GSTCD: variants seen among roughly 807,000 people sequenced by gnomAD.
The protein encoded by GSTCD is glutathione S-transferase C-terminal domain-containing protein.
In GSTCD, 44 loss-of-function variants were observed where a neutral mutation model predicts 68.3. The ratio of observed to expected loss-of-function variants is 0.64; its 90% confidence interval spans 0.51 to 0.83. The LOEUF (loss-of-function observed/expected upper bound fraction) is 0.83, where lower values mean the gene tolerates loss of function less well. Among genes scored for constraint, GSTCD ranks in the 40% least tolerant of loss-of-function variants. The pLI is 0.00. For missense variants in GSTCD, 739 were observed against 735.9 expected (o/e 1.00, Z -0.05); for synonymous variants, 273 against 255.2 (o/e 1.07, Z -0.67).
intron 3 of GSTCD, among the ~76,000 whole-genome samples, chr4:105,720,516 T>C (rs969084747): frequency 1.3e-4 from 20 of 152,218 alleles, no homozygotes; most frequent in African/African-American, 4.8e-4. Flanking sequence ...TATTCATCAA[T>C]TGTCATTTTC....
intron 5 of GSTCD, among the ~76,000 whole-genome samples, chr4:105,733,221 G>C (rs574473679): frequency 1.3e-5 from 2 of 152,278 alleles, no homozygotes; most frequent in South Asian, 4.1e-4. Flanking sequence ...GTGTGGAGCT[G>C]AGTTCAATTC....
At chr4:105,804,147 A>C (rs1017255468) in intron 5 of GSTCD, among the ~76,000 whole-genome samples, 4 of 152,020 alleles carry the variant, frequency 2.6e-5, no homozygotes, top group Admixed American at 2.0e-4. Flanking sequence ...TAGTTATCAG[A>C]AATTTTCCAA....
At chr4:105,828,005 A>G (rs1005408956) in intron 8 of GSTCD, among the ~76,000 whole-genome samples, 1 of 152,086 alleles carries the variant, frequency 6.6e-6, no homozygotes, top group Non-Finnish European at 1.5e-5. Context: ...AAAAATGCTC[A>G]TTTTGCATTA....
At chr4:105,809,716 C>A (rs1481364775) in intron 5 of GSTCD, among the ~76,000 whole-genome samples, 1 of 151,386 alleles carries the variant, frequency 6.6e-6, no homozygotes, top group Admixed American at 6.6e-5. Flanking sequence ...TGTTGAAATT[C>A]TTAGTATTCT....
At chr4:105,822,337 A>C (rs1202183703) in intron 5 of GSTCD, among the ~76,000 whole-genome samples, 2 of 152,138 alleles carry the variant, frequency 1.3e-5, no homozygotes, top group Non-Finnish European at 2.9e-5. Flanking sequence ...AGCAGAAAAC[A>C]GAAAATCCAA....
intron 5 of GSTCD, among the ~76,000 whole-genome samples, chr4:105,792,344 A>G (rs1326141765): frequency 2.6e-5 from 4 of 152,070 alleles, no homozygotes; most frequent in African/African-American, 9.7e-5. Flanking sequence ...GGTTAAGTTT[A>G]CTTCATTTTT....
At chr4:105,714,463 A>AT (rs200198978) in intron 1 of GSTCD, among the ~76,000 whole-genome samples, 13,022 of 144,316 alleles carry the variant, frequency 0.09, 1,102 homozygotes, top group East Asian at 0.32. Context: ...AAGAGGAAGG[A>AT]TTTTTTTTTT....
intron 1 of GSTCD, among the ~76,000 whole-genome samples, chr4:105,710,412 C>G (rs1413713342): frequency 4.9e-5 from 6 of 122,392 alleles, no homozygotes; most frequent in Non-Finnish European, 8.3e-5. Context: ...TTTTTTCAGT[C>G]GAGGAGGGGT....
chr4:105,834,179 G>T (rs1049646833), intron 8 of GSTCD, among the ~76,000 whole-genome samples: 2 of 152,142 alleles, frequency 1.3e-5, no homozygotes, highest in Non-Finnish European at 2.9e-5. Flanking sequence ...CGAAATTCTT[G>T]TTTCGAATCT....
chr4:105,823,621 C>A, intron 7 of GSTCD: 1 of 159,746 alleles, frequency 6.3e-6, no homozygotes, highest in Non-Finnish European at 1.4e-5. Flanking sequence ...ACTTGCTGAG[C>A]ATATTCTTTT....
At chr4:105,723,225 A>G (rs1578410125) in intron 3 of GSTCD, among the ~76,000 whole-genome samples, 1 of 151,960 alleles carries the variant, frequency 6.6e-6, no homozygotes, top group African/African-American at 2.4e-5. Flanking sequence ...TTTCCAAGCA[A>G]TTCACAATTC....
chr4:105,760,039 A>C (rs1268912733), intron 5 of GSTCD, among the ~76,000 whole-genome samples: 1 of 152,120 alleles, frequency 6.6e-6, no homozygotes, highest in Non-Finnish European at 1.5e-5. Context: ...AAAGACAGGA[A>C]ACCTATGTGT....
rs372510155 is a variant in GSTCD at position 105,834,511 on chromosome 4, T to G, written c.1581T>G (p.Cys527Trp). ...CAACAGACATGGTGATTGAGCACTGTATCAAAACACGGGCTTCCTTCGTCA... is the reference window on the plus strand; with the variant it reads ...CAACAGACATGGTGATTGAGCACTGGATCAAAACACGGGCTTCCTTCGTCA... Reference protein sequence around the residue: ...GVATDMVIEHCIKTRASFVTC... With the variant: ...GVATDMVIEHWIKTRASFVTC... The change falls in exon 9 of 12, where the codon TGT (cysteine) becomes TGG (tryptophan). Residue 527 changes from cysteine (C) to tryptophan (W), a missense_variant. Physicochemically the swap from Cys to Trp is radical, Grantham distance 215. Transcript: ENST00000515279. 1.2e-6 allele frequency: 2 copies of G among 1,614,140 alleles called. No homozygotes were observed. Among genetic ancestry groups the G allele is most frequent in the Non-Finnish European group, 1.7e-6 (2 of 1,179,984 alleles).
chr4:105,834,432 T>C, intron 8 of GSTCD, 29 bp from the exon 9 acceptor site: 2 of 1,606,626 alleles, frequency 1.2e-6, no homozygotes, highest in South Asian at 1.1e-5. Context: ...AGAGGGAACT[T>C]AGTGCTAAGG....
At chr4:105,777,659 A>G (rs1735121954) in intron 5 of GSTCD, among the ~76,000 whole-genome samples, 1 of 151,980 alleles carries the variant, frequency 6.6e-6, no homozygotes, top group African/African-American at 2.4e-5. Flanking sequence ...GATAGACCAG[A>G]CTCTGTCTTT....
intron 5 of GSTCD, among the ~76,000 whole-genome samples, chr4:105,812,444 T>C (rs1722794764): frequency 6.6e-6 from 1 of 152,072 alleles, no homozygotes; most frequent in Admixed American, 6.6e-5. Context: ...CAAGCAGTCT[T>C]TCCGCCTCTG....
chr4:105,786,881 A>G (rs907541618), intron 5 of GSTCD, among the ~76,000 whole-genome samples: 3 of 152,114 alleles, frequency 2.0e-5, no homozygotes, highest in Admixed American at 2.0e-4. Flanking sequence ...GCATCCTCAT[A>G]TACTGCCGTT....
chr4:105,829,188 A>T (rs1040398402), intron 8 of GSTCD, among the ~76,000 whole-genome samples: 5 of 133,020 alleles, frequency 3.8e-5, no homozygotes, highest in Non-Finnish European at 6.5e-5. Context: ...AGCTATAATT[A>T]AAAAAAAAAA....
At position 105,717,679 on chromosome 4, in the gene GSTCD, A is replaced by C; in HGVS notation, c.66A>C (p.Thr22=). The C allele has an allele frequency of 6.2e-7, 1 of 1,611,754 alleles. No homozygotes were observed. Among genetic ancestry groups the C allele is most frequent in the Non-Finnish European group, 8.5e-7 (1 of 1,179,048 alleles). ...TGTACCTGGACTTTTCTCACCAAACAGAAGGATGCATCTTTCCTCTTCATA... is the reference window on the plus strand; with the variant it reads ...TGTACCTGGACTTTTCTCACCAAACCGAAGGATGCATCTTTCCTCTTCATA... ...EYLYLDFSHQ[T]EGCIFPLHTS... The change falls in exon 2 of 12, where the codon ACA becomes ACC. Residue 22 remains threonine (T), a synonymous_variant. Transcript: ENST00000515279.
Sources: allele counts gnomAD v4.1 joint callset (sites outside exome capture counted in the v4.1 genomes callset), GRCh38; gene constraint gnomAD v4.1.1; transcripts MANE v1.5; gene names NCBI Gene and HGNC (gene_info 2026-07-23, HGNC 2026-07-21).